THBS4: variants seen among roughly 807,000 people sequenced by gnomAD.
THBS4 encodes the protein thrombospondin 4, also known as thrombospondin-4.
Under a neutral mutation model 115.7 loss-of-function variants are expected in THBS4, and 90 were observed. The observed-to-expected ratio is 0.78, with a 90% CI of 0.66 to 0.93. THBS4 has a LOEUF of 0.93. Among genes scored for constraint, THBS4 ranks in the 40% least tolerant of loss-of-function variants. The pLI is 0.00. For synonymous variants in THBS4, 460 were observed against 479.3 expected, an observed-to-expected ratio of 0.96 and a Z score of 0.53; for missense variants, 1,087 against 1,232.7, an observed-to-expected ratio of 0.88 and a Z score of 1.77.
At chr5:80,013,460 C>T (rs538536860) in intron 2 of THBS4, among the ~76,000 whole-genome samples, 2 of 152,248 alleles carry the variant, frequency 1.3e-5, no homozygotes, top group Admixed American at 6.5e-5. Flanking sequence ...ATTTCTTAAA[C>T]CCAAAGGGGT....
Position 80,073,294 on chromosome 5 carries a change from T to G in THBS4, c.1859T>G (p.Leu620Arg). 1 of 1,614,026 alleles carries G rather than the reference T, an allele frequency of 6.2e-7. No homozygotes were observed. Among genetic ancestry groups the G allele is most frequent in the Non-Finnish European group, 8.5e-7 (1 of 1,179,974 alleles). ...NPNQSDVDNDLVGDSCDTNQD... is the reference protein window; with the variant it reads ...NPNQSDVDNDRVGDSCDTNQD... ...TTGCAGTCTGATGTGGATAATGATC[T>G]GGTTGGGGACTCCTGTGACACCAAT... Residue 620 changes from leucine to arginine, a missense_variant, in exon 15 of 22, where the codon CTG (leucine) becomes CGG (arginine). Physicochemically the swap from Leu to Arg is moderately radical, Grantham distance 102 (BLOSUM62 -2). Transcript: ENST00000350881.
chr5:80,037,854 A>G (rs139782172), intron 1 of THBS4, among the ~76,000 whole-genome samples: 200 of 152,330 alleles, frequency 1.3e-3, no homozygotes, highest in African/African-American at 4.6e-3. Flanking sequence ...TTGAAAATTA[A>G]AAAATCCAAT....
At chr5:80,030,092 C>G (rs1238368140) in intron 2 of THBS4, among the ~76,000 whole-genome samples, 1 of 152,196 alleles carries the variant, frequency 6.6e-6, no homozygotes, top group Non-Finnish European at 1.5e-5. Flanking sequence ...CACTTAAGCA[C>G]CTTCCTTTAT....
At chr5:80,044,718 C>T (rs1440150300) in intron 2 of THBS4, among the ~76,000 whole-genome samples, 1 of 149,352 alleles carries the variant, frequency 6.7e-6, no homozygotes, top group Non-Finnish European at 1.5e-5. Context: ...AGCCACCACA[C>T]TCAGCCAAAA....
intron 2 of THBS4, among the ~76,000 whole-genome samples, chr5:80,047,632 A>AAT (rs34179843): frequency 0.076 from 10,456 of 137,620 alleles, 510 homozygotes; most frequent in Middle Eastern, 0.11. Flanking sequence ...AAAAATTAAG[A>AAT]ATTTTTTTTT....
chr5:80,076,849 C>T lies in THBS4; in HGVS notation c.1893-6C>T, dbSNP rs756978277. The T allele has an allele frequency of 3.8e-5, 60 of 1,568,478 alleles. No homozygotes were observed. The South Asian group carries it at 6.4e-4, about 17-fold the overall frequency. On this transcript the variant is annotated splice_polypyrimidine_tract_variant and splice_region_variant and intron_variant, in intron 15 of 21. Transcript: ENST00000350881. ...TGAGCCACATCACCTGTCCTTTCTCCTGCAGTGATGGAGATGGGCACCAGG... is the reference window on the plus strand; with the variant it reads ...TGAGCCACATCACCTGTCCTTTCTCTTGCAGTGATGGAGATGGGCACCAGG...
chr5:80,051,558 G>A (rs1561310267), intron 2 of THBS4, among the ~76,000 whole-genome samples: 1 of 152,058 alleles, frequency 6.6e-6, no homozygotes, highest in Non-Finnish European at 1.5e-5. Context: ...GGGGCATGAG[G>A]GATTTGTCAT....
chr5:80,060,468 C>A (rs985825432), intron 7 of THBS4, among the ~76,000 whole-genome samples: 2 of 152,200 alleles, frequency 1.3e-5, no homozygotes, highest in Non-Finnish European at 2.9e-5. Context: ...TTTCAAGACC[C>A]TGGTTAGGCA....
At chr5:80,078,556 C>T (rs17879514) in intron 17 of THBS4, among the ~76,000 whole-genome samples, 7,003 of 152,232 alleles carry the variant, frequency 0.046, 245 homozygotes, top group East Asian at 0.17. Context: ...GCATATCCTC[C>T]TCATTGTGTA....
chr5:79,996,974 G>A (rs1425659609), intron 1 of THBS4, among the ~76,000 whole-genome samples: 1 of 151,334 alleles, frequency 6.6e-6, no homozygotes, highest in South Asian at 2.1e-4. Context: ...ACTGAGAGTA[G>A]CCACTAAGAG....
At chr5:80,009,129 G>A (rs1369172908) in intron 2 of THBS4, among the ~76,000 whole-genome samples, 6 of 152,130 alleles carry the variant, frequency 3.9e-5, no homozygotes, top group East Asian at 1.9e-4. Flanking sequence ...CTCATGACAC[G>A]GCTCAGGTTC....
chr5:80,072,445 C>A, intron 14 of THBS4, 49 bp downstream of exon 14: 1 of 1,518,406 alleles, frequency 6.6e-7, no homozygotes, highest in Non-Finnish European at 9.1e-7. Context: ...TTCCTCTATG[C>A]AAAGACTCAT....
At chr5:80,044,580 G>A (rs1013547583) in intron 2 of THBS4, among the ~76,000 whole-genome samples, 6 of 151,930 alleles carry the variant, frequency 3.9e-5, no homozygotes, top group Non-Finnish European at 5.9e-5. Flanking sequence ...GCACCACTAC[G>A]CCCAGCTAAT....
chr5:80,004,808 G>T (rs554212669), intron 2 of THBS4, among the ~76,000 whole-genome samples: 1 of 152,192 alleles, frequency 6.6e-6, no homozygotes, highest in African/African-American at 2.4e-5. Flanking sequence ...CGTGATCTTG[G>T]CTCACTGCAA....
intron 14 of THBS4, among the ~76,000 whole-genome samples, chr5:80,072,917 A>C (rs112405200): frequency 7.6e-4 from 116 of 152,196 alleles, no homozygotes; most frequent in African/African-American, 2.6e-3. Context: ...CAAATTGCAA[A>C]TTGCAGAAGC....
intron 2 of THBS4, among the ~76,000 whole-genome samples, chr5:80,046,798 A>G (rs1197429107): frequency 6.6e-6 from 1 of 152,224 alleles, no homozygotes; most frequent in Admixed American, 6.5e-5. Context: ...GTGGTTTTTG[A>G]CAGGGCTCTG....
intron 15 of THBS4, among the ~76,000 whole-genome samples, chr5:80,074,614 A>G (rs1743099698): frequency 6.7e-6 from 1 of 149,664 alleles, no homozygotes; most frequent in Admixed American, 6.7e-5. Context: ...ATGAAGCCAC[A>G]GCTCTCTCTC....
chr5:79,991,363 A>C (rs2151145425), exon 1 of THBS4: 3,552 of 696,692 alleles, frequency 5.1e-3, no homozygotes, highest in Middle Eastern at 0.01. Flanking sequence ...TGAGAGAAAC[A>C]ACGACTGGAG....
chr5:80,038,879 G>C lies in THBS4; in HGVS notation c.89-1198G>C, dbSNP rs17885055. On this transcript the variant is annotated intron_variant, in intron 1 of 21. Transcript: ENST00000350881. The stretch of plus-strand genomic sequence containing the variant: ...TTTAAATGTTACACAGTGGTACAGA[G>C]AGTGCCCATTTCCCTGAACCCTCAC... Among the ~76,000 whole-genome samples the C allele has an allele frequency of 5.2e-3, 794 of 152,276 alleles. 8 individuals are homozygous for C. The highest frequency in any genetic ancestry group is 0.018 in the African/African-American group (757 of 41,562).
Sources: allele counts gnomAD v4.1 joint callset (sites outside exome capture counted in the v4.1 genomes callset), GRCh38; gene constraint gnomAD v4.1.1; transcripts MANE v1.5; gene names NCBI Gene and HGNC (gene_info 2026-07-23, HGNC 2026-07-21).